Variants in GPC6 observed in about 807,000 individuals in gnomAD.
The protein encoded by GPC6 is glypican-6.
In GPC6, 14 loss-of-function variants were observed where a neutral mutation model predicts 55.2. The ratio of observed to expected loss-of-function variants is 0.25; its 90% CI spans 0.17 to 0.40. GPC6 has a LOEUF of 0.40. Ranked by LOEUF, GPC6 falls within the 10% of genes least tolerant of loss-of-function variation. The pLI is 1.00. For synonymous variants in GPC6, 278 were observed against 259.6 expected, an observed-to-expected ratio of 1.07 and a Z score of -0.68; for missense variants, 641 against 708.5, an observed-to-expected ratio of 0.90 and a Z score of 1.08.
At chr13:94,252,885 G>C (rs1016733357) in intron 4 of GPC6, among the ~76,000 whole-genome samples, 1 of 151,262 alleles carries the variant, frequency 6.6e-6, no homozygotes. Context: ...CAAGCCTGCT[G>C]TTTCCAGTGA....
At chr13:93,455,368 C>T (rs1403969457) in intron 1 of GPC6, among the ~76,000 whole-genome samples, 1 of 152,016 alleles carries the variant, frequency 6.6e-6, no homozygotes. Context: ...TATTTCCAAA[C>T]GAAGGAAAAG....
intron 4 of GPC6, among the ~76,000 whole-genome samples, chr13:94,277,181 T>C (rs1892241914): frequency 6.6e-6 from 1 of 152,262 alleles, no homozygotes; most frequent in African/African-American, 2.4e-5. Flanking sequence ...ATTTCTATAA[T>C]GATCAGTGCT....
intron 2 of GPC6, among the ~76,000 whole-genome samples, chr13:93,632,379 G>A (rs1004610851): frequency 1.3e-5 from 2 of 151,986 alleles, no homozygotes; most frequent in East Asian, 3.9e-4. Flanking sequence ...GGAAGCTCAG[G>A]CAGGTGGATC....
At chr13:93,849,548 T>C (rs1308857399) in intron 3 of GPC6, among the ~76,000 whole-genome samples, 1 of 152,012 alleles carries the variant, frequency 6.6e-6, no homozygotes, top group Non-Finnish European at 1.5e-5. Context: ...TGCTGAAGAG[T>C]GGTGAATCTT....
chr13:93,246,641 C>CA (rs1276946189), intron 1 of GPC6, among the ~76,000 whole-genome samples: 1 of 151,442 alleles, frequency 6.6e-6, no homozygotes, highest in Non-Finnish European at 1.5e-5. Context: ...ACTAAAAATA[C>CA]AAAAAAATTA....
chr13:93,476,829 T>C (rs900488014), intron 1 of GPC6, among the ~76,000 whole-genome samples: 2 of 152,204 alleles, frequency 1.3e-5, no homozygotes, highest in Non-Finnish European at 2.9e-5. Context: ...ATAAACATGA[T>C]TAAAATATGC....
In GPC6 at chr13:93,508,724, T is replaced by C. The variant is rs75104148; in HGVS notation, c.161-36539T>C. 5.6e-4 allele frequency among the ~76,000 whole-genome samples: 86 copies of C among 152,326 alleles called. 1 individual carries two copies. The East Asian group carries it at 0.015, about 26-fold the overall frequency. On this transcript the variant is annotated intron_variant, in intron 1 of 8. Coordinates refer to ENST00000377047, the MANE Select transcript of GPC6 (RefSeq NM_005708.5). The stretch of plus-strand genomic sequence containing the variant: ...TAAAGGTAGAGAGGTATTGTCTTCC[T>C]AGGCATCAGTACAGTCGGAGCAGGG...
chr13:93,402,794 A>G (rs998180868), intron 1 of GPC6, among the ~76,000 whole-genome samples: 4 of 152,130 alleles, frequency 2.6e-5, no homozygotes, highest in Admixed American at 6.5e-5. Context: ...CGAGAAGTCA[A>G]TCTCAGCTTG....
intron 6 of GPC6, among the ~76,000 whole-genome samples, chr13:94,374,806 T>A (rs1879761248): frequency 7.9e-6 from 1 of 126,070 alleles, no homozygotes; most frequent in African/African-American, 3.4e-5. Context: ...ACCACATACT[T>A]GGAAGTAAAG....
chr13:93,554,663 A>G (rs942964750), intron 2 of GPC6, among the ~76,000 whole-genome samples: 1 of 152,224 alleles, frequency 6.6e-6, no homozygotes, highest in Non-Finnish European at 1.5e-5. Context: ...CAACATTGAC[A>G]TGAGCTCCTG....
At chr13:93,545,709 T>G (rs1874752095) in intron 2 of GPC6, among the ~76,000 whole-genome samples, 1 of 152,176 alleles carries the variant, frequency 6.6e-6, no homozygotes, top group Admixed American at 6.5e-5. Flanking sequence ...AGAGGAATTA[T>G]AATTCAGGTT....
chr13:93,786,019 TG>T (rs1414295042), intron 2 of GPC6, among the ~76,000 whole-genome samples: 1 of 152,178 alleles, frequency 6.6e-6, no homozygotes. Context: ...GAGTAAAACT[TG>T]TCTGTTAACA....
intron 4 of GPC6, among the ~76,000 whole-genome samples, chr13:94,030,656 T>C (rs938670337): frequency 8.5e-5 from 13 of 152,168 alleles, no homozygotes; most frequent in African/African-American, 3.1e-4. Context: ...ACTTTGGGCT[T>C]CTGGCATCTC....
intron 1 of GPC6, among the ~76,000 whole-genome samples, chr13:93,336,832 AGTATGGGCT>A (rs1406390867): frequency 6.6e-6 from 1 of 152,110 alleles, no homozygotes; most frequent in African/African-American, 2.4e-5. Flanking sequence ...AGGGAAAATG[AGTATGGGCT>A]GTATGAAACA....
intron 4 of GPC6, among the ~76,000 whole-genome samples, chr13:94,278,784 G>A (rs1328671075): frequency 2.2e-4 from 34 of 152,220 alleles, no homozygotes; most frequent in Admixed American, 2.2e-3. Flanking sequence ...CAGGGATGAA[G>A]CTGACTTGAT....
chr13:93,270,755 C>T (rs1179664506), intron 1 of GPC6, among the ~76,000 whole-genome samples: 1 of 150,558 alleles, frequency 6.6e-6, no homozygotes, highest in African/African-American at 2.4e-5. Context: ...GTGGACAGTC[C>T]CCCCAGTGTG....
chr13:93,795,976 G>A (rs960533368), intron 2 of GPC6, among the ~76,000 whole-genome samples: 1 of 151,798 alleles, frequency 6.6e-6, no homozygotes, highest in Admixed American at 6.6e-5. Flanking sequence ...TTGAGACCAG[G>A]AGTTCAAGAC....
chr13:94,055,250 G>T (rs1249388529), intron 4 of GPC6, among the ~76,000 whole-genome samples: 1 of 152,134 alleles, frequency 6.6e-6, no homozygotes, highest in Admixed American at 6.6e-5. Context: ...ACAGGGTGAA[G>T]CAGTTATATA....
At chr13:94,324,073 C>T (rs1876981101) in intron 6 of GPC6, among the ~76,000 whole-genome samples, 2 of 152,106 alleles carry the variant, frequency 1.3e-5, no homozygotes, top group African/African-American at 4.8e-5. Flanking sequence ...CAAGTTACAG[C>T]CACATAGCAA....
Sources: allele counts gnomAD v4.1 joint callset (sites outside exome capture counted in the v4.1 genomes callset), GRCh38; gene constraint gnomAD v4.1.1; transcripts MANE v1.5; gene names NCBI Gene and HGNC (gene_info 2026-07-23, HGNC 2026-07-21).